The following DAPP1 variants were observed in gnomAD, a reference collection of about 807,000 sequenced individuals.
The protein encoded by DAPP1 is dual adaptor of phosphotyrosine and 3-phosphoinositides 1.
In DAPP1, 20 loss-of-function variants were observed where a neutral mutation model predicts 41.5. That is an observed-to-expected ratio of 0.48 (90% CI 0.34 to 0.70). The LOEUF (loss-of-function observed/expected upper bound fraction) is 0.70. Among genes scored for constraint, DAPP1 ranks in the 30% least tolerant of loss-of-function variants. The probability of loss-of-function intolerance (pLI) is 0.01; values close to 1 mark genes in which losing one functional copy is unlikely to be tolerated. For missense variants in DAPP1, 233 were observed against 333.4 expected (o/e 0.70, Z 2.35); for synonymous variants, 113 against 116.2 (o/e 0.97, Z 0.18).
At chr4:99,852,110 A>T (rs1342296126) in intron 3 of DAPP1, among the ~76,000 whole-genome samples, 2 of 151,894 alleles carry the variant, frequency 1.3e-5, no homozygotes, top group African/African-American at 4.8e-5. Flanking sequence ...TATTTTTTAA[A>T]TTTTTTTTCT....
intron 3 of DAPP1, among the ~76,000 whole-genome samples, chr4:99,849,110 G>A (rs1723769216): frequency 6.6e-6 from 1 of 151,760 alleles, no homozygotes; most frequent in Non-Finnish European, 1.5e-5. Context: ...ATTTAGTTTA[G>A]CCTCATTTGT....
At chr4:99,824,265 C>T (rs1431773857) in intron 1 of DAPP1, among the ~76,000 whole-genome samples, 1 of 152,166 alleles carries the variant, frequency 6.6e-6, no homozygotes, top group East Asian at 1.9e-4. Flanking sequence ...CTGAGCATAC[C>T]ACTTGATAAA....
intron 1 of DAPP1, among the ~76,000 whole-genome samples, chr4:99,820,630 A>T (rs1722740041): frequency 6.6e-6 from 1 of 152,240 alleles, no homozygotes; most frequent in South Asian, 2.1e-4. Flanking sequence ...ATAACTAATT[A>T]GTCACATATA....
At chr4:99,860,996 G>A (rs1724218392) in intron 4 of DAPP1, among the ~76,000 whole-genome samples, 1 of 152,090 alleles carries the variant, frequency 6.6e-6, no homozygotes, top group Non-Finnish European at 1.5e-5. Flanking sequence ...TTCATTTTGG[G>A]TAAATCAGGT....
chr4:99,835,782 C>A (rs1041908047), intron 2 of DAPP1, 37 bp downstream of exon 2: 13 of 1,605,446 alleles, frequency 8.1e-6, no homozygotes, highest in Non-Finnish European at 1.1e-5. Flanking sequence ...TCAGCATGGG[C>A]TCCTCTGTCA....
At chr4:99,839,076 C>A (rs548484509) in intron 2 of DAPP1, among the ~76,000 whole-genome samples, 1 of 152,190 alleles carries the variant, frequency 6.6e-6, no homozygotes, top group African/African-American at 2.4e-5. Context: ...GCAGTAGATC[C>A]AGTTGGACTA....
intron 8 of DAPP1, 22 bp downstream of exon 8, chr4:99,866,143 G>A: frequency 7.6e-7 from 1 of 1,317,256 alleles, no homozygotes; most frequent in East Asian, 2.3e-5. Flanking sequence ...TAAGCCTTCA[G>A]ATGTCAAGTC....
At chr4:99,821,972 T>C (rs1294496619) in intron 1 of DAPP1, among the ~76,000 whole-genome samples, 4 of 152,250 alleles carry the variant, frequency 2.6e-5, no homozygotes, top group Admixed American at 2.6e-4. Context: ...AAAATTTCAG[T>C]GGAACCTGTT....
At chr4:99,837,918 A>G (rs1180918883) in intron 2 of DAPP1, among the ~76,000 whole-genome samples, 1 of 152,134 alleles carries the variant, frequency 6.6e-6, no homozygotes, top group Non-Finnish European at 1.5e-5. Flanking sequence ...TCAGAGGCAC[A>G]CAGCCTAGAT....
intron 1 of DAPP1, among the ~76,000 whole-genome samples, chr4:99,824,470 G>A (rs1265142454): frequency 6.6e-6 from 1 of 152,172 alleles, no homozygotes; most frequent in East Asian, 1.9e-4. Flanking sequence ...GTTGGTTAGA[G>A]GTATCGCCTA....
intron 3 of DAPP1, among the ~76,000 whole-genome samples, chr4:99,841,126 T>C (rs1227073697): frequency 6.6e-6 from 1 of 152,204 alleles, no homozygotes; most frequent in Non-Finnish European, 1.5e-5. Flanking sequence ...TAATGATAAA[T>C]CTTAGTTAAT....
chr4:99,817,099 T>C (rs1722613971), intron 1 of DAPP1, 85 bp downstream of exon 1: 11 of 1,008,802 alleles, frequency 1.1e-5, no homozygotes, highest in Non-Finnish European at 1.6e-5. Flanking sequence ...TTAATGACTA[T>C]CTTCAGTGCC....
chr4:99,835,488 T>C (rs541565862), intron 1 of DAPP1, 135 bp from the exon 2 acceptor site: 246 of 1,264,002 alleles, frequency 1.9e-4, no homozygotes, highest in Non-Finnish European at 2.1e-4. Context: ...TGTCCTAATG[T>C]TGGGGCTGAG....
intron 2 of DAPP1, among the ~76,000 whole-genome samples, chr4:99,839,316 GA>G (rs537495401): frequency 2.6e-3 from 393 of 151,148 alleles, no homozygotes; most frequent in Non-Finnish European, 4.3e-3. Context: ...AGGCTAGAAA[GA>G]TAGAATGGGA....
chr4:99,821,953 C>T (rs1324332096), intron 1 of DAPP1, among the ~76,000 whole-genome samples: 2 of 152,116 alleles, frequency 1.3e-5, no homozygotes, highest in Non-Finnish European at 2.9e-5. Flanking sequence ...AGCTAAGAAA[C>T]GTAAAGTCAA....
At chr4:99,866,512 A>C (rs568809203) in intron 8 of DAPP1, 6 of 762,908 alleles carry the variant, frequency 7.9e-6, no homozygotes, top group Non-Finnish European at 9.6e-6. Flanking sequence ...AAAGTTTGCC[A>C]GAGGCACTTA....
chr4:99,861,615 G>A lies in DAPP1; in HGVS notation c.527G>A (p.Gly176Asp). ...TKEGYLTKQG[G>D]LVKTWKTRWF... ...GAAGGTTACCTCACCAAACAGGGAG[G>A]CCTGGTCAAGGTAAGGAAGTGTGGT... The change falls in exon 5 of 9, where the codon GGC (glycine) becomes GAC (aspartate). Residue 176 changes from glycine (G) to aspartate (D), a missense_variant. Gly to Asp is a moderately conservative substitution (Grantham distance 94). Coordinates refer to ENST00000512369, the MANE Select transcript of DAPP1 (RefSeq NM_014395.3). 6.4e-7 allele frequency: 1 copy of A among 1,573,458 alleles called. No homozygotes were observed. The highest frequency in any genetic ancestry group is 8.6e-7 in the Non-Finnish European group (1 of 1,158,344).
At chr4:99,865,394 T>C (rs570485681) in intron 7 of DAPP1, 31 of 152,314 alleles carry the variant, frequency 2.0e-4, no homozygotes, top group African/African-American at 7.0e-4. Flanking sequence ...GGAAAAGTAT[T>C]TTGTGCCAGT....
At chr4:99,861,282 G>T (rs1339965137) in intron 4 of DAPP1, among the ~76,000 whole-genome samples, 2 of 152,136 alleles carry the variant, frequency 1.3e-5, no homozygotes, top group Non-Finnish European at 2.9e-5. Flanking sequence ...AATCCAAACA[G>T]CTGGATTTCA....
Sources: gnomAD v4.1 joint callset for allele counts (sites outside exome capture counted in the v4.1 genomes callset) on GRCh38, gnomAD v4.1.1 for gene constraint, MANE v1.5 for transcripts, NCBI Gene and HGNC (gene_info 2026-07-23, HGNC 2026-07-21) for gene names.